The following EPHB1 variants were observed in gnomAD, a reference collection of about 807,000 sequenced individuals.
EPHB1 encodes ephrin type-B receptor 1.
Under a neutral mutation model 94.4 loss-of-function variants are expected in EPHB1, and 30 were observed. That is an observed-to-expected ratio of 0.32 (90% CI 0.24 to 0.43). The LOEUF (loss-of-function observed/expected upper bound fraction) is 0.43, where lower values mean the gene tolerates loss of function less well. Ranked by LOEUF, EPHB1 falls within the 20% of genes least tolerant of loss-of-function variation. The probability of loss-of-function intolerance (pLI) is 1.00; values close to 1 mark genes in which losing one functional copy is unlikely to be tolerated. For missense variants in EPHB1, 1,055 were observed against 1,308.3 expected, an observed-to-expected ratio of 0.81 and a Z score of 2.99; for synonymous variants, 522 against 489.1, an observed-to-expected ratio of 1.07 and a Z score of -0.89.
chr3:135,247,638 A>AAAT (rs1262117309), intron 13 of EPHB1, among the ~76,000 whole-genome samples: 6 of 152,218 alleles, frequency 3.9e-5, no homozygotes, highest in African/African-American at 1.4e-4. Flanking sequence ...GCGTTTGTGA[A>AAAT]AATTACCAAA....
intron 4 of EPHB1, among the ~76,000 whole-genome samples, chr3:135,125,052 A>G (rs1159749387): frequency 1.3e-5 from 2 of 151,634 alleles, no homozygotes; most frequent in Non-Finnish European, 2.9e-5. Context: ...TTGTCGGCAG[A>G]TTGCAGACAA....
chr3:134,817,968 TG>T (rs1430594081), intron 1 of EPHB1, among the ~76,000 whole-genome samples: 1 of 152,202 alleles, frequency 6.6e-6, no homozygotes, highest in Non-Finnish European at 1.5e-5. Flanking sequence ...CCTGTGCCTA[TG>T]TTCCTACCCA....
At chr3:135,039,397 G>A (rs543673405) in intron 3 of EPHB1, among the ~76,000 whole-genome samples, 403 of 152,370 alleles carry the variant, frequency 2.6e-3, no homozygotes, top group Admixed American at 4.0e-3. Flanking sequence ...TGCAGGTGGA[G>A]CTGCCTGCCA....
intron 6 of EPHB1, among the ~76,000 whole-genome samples, chr3:135,161,313 G>T (rs1284072262): frequency 6.6e-6 from 1 of 152,150 alleles, no homozygotes; most frequent in African/African-American, 2.4e-5. Flanking sequence ...GAGTAGGTGG[G>T]GGGGATGAGG....
intron 1 of EPHB1, among the ~76,000 whole-genome samples, chr3:134,899,954 T>C (rs1228280399): frequency 2.0e-5 from 3 of 152,222 alleles, no homozygotes; most frequent in African/African-American, 7.2e-5. Context: ...CAGAGATTTG[T>C]TCCAGGCTGG....
intron 12 of EPHB1, among the ~76,000 whole-genome samples, chr3:135,226,695 G>A (rs1476875402): frequency 6.6e-6 from 1 of 152,186 alleles, no homozygotes; most frequent in African/African-American, 2.4e-5. Flanking sequence ...CCCAGAACAT[G>A]CAGGAGAAGG....
At chr3:135,061,493 C>T (rs1019022796) in intron 3 of EPHB1, among the ~76,000 whole-genome samples, 31 of 151,540 alleles carry the variant, frequency 2.0e-4, no homozygotes, top group African/African-American at 4.4e-4. Flanking sequence ...AGTTACTTCG[C>T]GTAGAATAAT....
chr3:135,177,230 C>G (rs1376158200), intron 9 of EPHB1, among the ~76,000 whole-genome samples: 1 of 152,202 alleles, frequency 6.6e-6, no homozygotes, highest in Non-Finnish European at 1.5e-5. Context: ...TTTGGGGGCC[C>G]TGACCTCACC....
intron 12 of EPHB1, among the ~76,000 whole-genome samples, chr3:135,215,686 C>T (rs1450833143): frequency 1.3e-5 from 2 of 152,282 alleles, no homozygotes; most frequent in African/African-American, 4.8e-5. Context: ...TGACTGTGTC[C>T]ATTGAAACCT....
At chr3:134,949,514 G>C (rs1190885236) in intron 2 of EPHB1, among the ~76,000 whole-genome samples, 3 of 152,132 alleles carry the variant, frequency 2.0e-5, no homozygotes, top group African/African-American at 7.2e-5. Flanking sequence ...TTTACTCCTT[G>C]CAAGGAGCAA....
At chr3:135,098,700 C>T (rs964027388) in intron 3 of EPHB1, among the ~76,000 whole-genome samples, 4 of 152,044 alleles carry the variant, frequency 2.6e-5, no homozygotes, top group Admixed American at 6.5e-5. Context: ...TCAAATAACT[C>T]TCCCAGGAAA....
chr3:134,811,473 A>C (rs1035467391), intron 1 of EPHB1, among the ~76,000 whole-genome samples: 4 of 151,908 alleles, frequency 2.6e-5, no homozygotes, highest in African/African-American at 9.7e-5. Context: ...TCCTGACCTC[A>C]GGTGATCCAC....
At chr3:134,960,836 G>T (rs1933488638) in intron 3 of EPHB1, among the ~76,000 whole-genome samples, 1 of 152,208 alleles carries the variant, frequency 6.6e-6, no homozygotes, top group African/African-American at 2.4e-5. Flanking sequence ...CATTAGAAAG[G>T]CTGCAGAATG....
intron 4 of EPHB1, among the ~76,000 whole-genome samples, chr3:135,131,473 C>T (rs1016916989): frequency 2.6e-5 from 4 of 152,158 alleles, no homozygotes; most frequent in Non-Finnish European, 4.4e-5. Flanking sequence ...GAATGCATTA[C>T]TATCTGAAGC....
intron 3 of EPHB1, among the ~76,000 whole-genome samples, chr3:134,972,944 CT>C (rs1934034309): frequency 6.6e-6 from 1 of 152,222 alleles, no homozygotes; most frequent in African/African-American, 2.4e-5. Context: ...AGTTATGTCC[CT>C]TGTGTTCCTG....
chr3:135,191,449 A>G (rs530783651), intron 10 of EPHB1, among the ~76,000 whole-genome samples: 1 of 152,350 alleles, frequency 6.6e-6, no homozygotes, highest in South Asian at 2.1e-4. Flanking sequence ...CTGATTGCTC[A>G]GTTTGCTCCA....
chr3:134,805,887 C>T (rs79549395), intron 1 of EPHB1, among the ~76,000 whole-genome samples: 1 of 152,098 alleles, frequency 6.6e-6, no homozygotes, highest in Non-Finnish European at 1.5e-5. Flanking sequence ...TCTATGGGAT[C>T]ACATTCCACA....
intron 1 of EPHB1, among the ~76,000 whole-genome samples, chr3:134,866,571 C>T (rs1265995134): frequency 6.6e-6 from 1 of 152,140 alleles, no homozygotes; most frequent in Non-Finnish European, 1.5e-5. Context: ...GGTATGGGGA[C>T]ACCTGGGAAT....
At chr3:135,067,753 C>T (rs1056414760) in intron 3 of EPHB1, 1 of 152,394 alleles carries the variant, frequency 6.6e-6, no homozygotes, top group Non-Finnish European at 1.5e-5. Context: ...AGACTTCCTT[C>T]TCCCTGTGGC....
Sources: allele counts gnomAD v4.1 joint callset (sites outside exome capture counted in the v4.1 genomes callset), GRCh38; gene constraint gnomAD v4.1.1; transcripts MANE v1.5; gene names NCBI Gene and HGNC (gene_info 2026-07-23, HGNC 2026-07-21).